The following SLC26A8 variants were observed in gnomAD, a reference collection of about 807,000 sequenced individuals.
SLC26A8 encodes solute carrier family 26 member 8.
A neutral mutation model predicts 105.0 loss-of-function variants in SLC26A8; 70 were observed. The ratio of observed to expected loss-of-function variants is 0.67; its 90% confidence interval spans 0.55 to 0.81. The LOEUF (loss-of-function observed/expected upper bound fraction) is 0.81, where lower values mean the gene tolerates loss of function less well. Ranked by LOEUF, SLC26A8 falls within the 40% of genes least tolerant of loss-of-function variation. The pLI, the probability that SLC26A8 is intolerant of heterozygous loss-of-function variation, is 0.00. For missense variants in SLC26A8, 998 were observed against 1,181.8 expected (o/e 0.84, Z 2.28); for synonymous variants, 415 against 438.3 (o/e 0.95, Z 0.66).
chr6:35,993,867 A>G (rs997067050), intron 5 of SLC26A8, among the ~76,000 whole-genome samples: 21 of 152,248 alleles, frequency 1.4e-4, no homozygotes, highest in African/African-American at 5.1e-4. Flanking sequence ...CTCTACAACA[A>G]GAAAAATAAA....
chr6:35,979,397 AC>A (rs778735934), intron 8 of SLC26A8, among the ~76,000 whole-genome samples: 286 of 151,702 alleles, frequency 1.9e-3, no homozygotes, highest in Non-Finnish European at 3.6e-3. Flanking sequence ...AATGGCATGA[AC>A]CCGGGAGGCG....
At chr6:35,944,681 C>T (rs112441962) in intron 19 of SLC26A8, among the ~76,000 whole-genome samples, 6 of 151,764 alleles carry the variant, frequency 4.0e-5, no homozygotes, top group African/African-American at 1.2e-4. Flanking sequence ...TGCACTCCAG[C>T]CTGAGCAACA....
intron 3 of SLC26A8, among the ~76,000 whole-genome samples, chr6:36,002,711 CTT>C (rs34341096): frequency 6.9e-6 from 1 of 144,678 alleles, no homozygotes. Context: ...GCTTTTCAAT[CTT>C]TTTTTTTTTT....
At chr6:35,957,138 C>T (rs1412698338) in intron 16 of SLC26A8, among the ~76,000 whole-genome samples, 1 of 152,078 alleles carries the variant, frequency 6.6e-6, no homozygotes, top group Non-Finnish European at 1.5e-5. Context: ...AGGAAAATTG[C>T]TTGAACCCAG....
chr6:35,943,646 A>G lies in SLC26A8; in HGVS notation c.*254T>C. 2.1e-6 allele frequency: 1 copy of G among 473,644 alleles called. No individual in the cohort carries two copies. Among genetic ancestry groups the G allele is most frequent in the South Asian group, 3.1e-5 (1 of 31,900 alleles). The allele number at this position is 473,644 out of a possible 1,614,324, so 29.3% of individuals were successfully genotyped here. A position where few individuals can be genotyped will look rare whatever the true frequency, so the allele number is the denominator to read the frequency against. Reference sequence around the variant, plus strand: ...GGGTGTGTGAAGAAGGAAATTCATGACTAGAATATATGCTGAAGGTGAAAT... The same window carrying G: ...GGGTGTGTGAAGAAGGAAATTCATGGCTAGAATATATGCTGAAGGTGAAAT... On this transcript the variant is annotated 3_prime_UTR_variant, in exon 20 of 20. Coordinates refer to ENST00000490799, the MANE Select transcript of SLC26A8 (RefSeq NM_052961.4).
rs758806345 is a variant in SLC26A8 at position 35,951,331 on chromosome 6, T to A, written c.2304A>T (p.Ala768=). The change falls in exon 19 of 20, where the codon GCA becomes GCT. Residue 768 remains alanine (A), a synonymous_variant. Transcript: ENST00000490799. ...IAGCHSSIVR[A]FERNDFFDAG... ...CGTCAAAGAAATCATTCCTCTCAAA[T>A]GCCCTGACTATGGAAGCTAAAAACC... 3 of 1,613,972 alleles carry A rather than the reference T, an allele frequency of 1.9e-6. No homozygotes were observed. The highest frequency in any genetic ancestry group is 1.7e-5 in the Admixed American group (1 of 59,984).
At chr6:35,982,826 C>G (rs773858477) in intron 7 of SLC26A8, among the ~76,000 whole-genome samples, 1 of 152,108 alleles carries the variant, frequency 6.6e-6, no homozygotes, top group East Asian at 1.9e-4. Context: ...TAATATGGAG[C>G]AACATTTAAT....
At chr6:35,998,261 A>G (rs1761413519) in intron 4 of SLC26A8, among the ~76,000 whole-genome samples, 1 of 152,044 alleles carries the variant, frequency 6.6e-6, no homozygotes, top group Non-Finnish European at 1.5e-5. Context: ...AAAATATTAG[A>G]AAAGAAAGCA....
chr6:36,007,724 A>T (rs1262705968), intron 3 of SLC26A8, among the ~76,000 whole-genome samples: 2 of 152,336 alleles, frequency 1.3e-5, no homozygotes, highest in Middle Eastern at 3.4e-3. Context: ...AGACACATAG[A>T]TCAATGGAAC....
intron 11 of SLC26A8, among the ~76,000 whole-genome samples, chr6:35,966,649 TG>T (rs1229281689): frequency 1.3e-5 from 2 of 152,234 alleles, no homozygotes; most frequent in African/African-American, 4.8e-5. Context: ...CTAGCCTGAA[TG>T]CTCTACTAGG....
chr6:35,979,090 G>A (rs964143550), intron 8 of SLC26A8, among the ~76,000 whole-genome samples: 9 of 145,510 alleles, frequency 6.2e-5, no homozygotes, highest in African/African-American at 2.0e-4. Flanking sequence ...GAGCTCAAGC[G>A]ATTCGCCTGC....
At chr6:35,993,231 C>T (rs926017641) in intron 5 of SLC26A8, among the ~76,000 whole-genome samples, 29 of 147,898 alleles carry the variant, frequency 2.0e-4, no homozygotes, top group Admixed American at 4.1e-4. Context: ...TCTCGAACTC[C>T]TGACCTCAAG....
At chr6:35,948,038 G>A (rs1771734466) in intron 19 of SLC26A8, among the ~76,000 whole-genome samples, 1 of 152,162 alleles carries the variant, frequency 6.6e-6, no homozygotes, top group South Asian at 2.1e-4. Context: ...TAAATGTAGA[G>A]ACAGTTCATG....
rs545200159 is a variant in SLC26A8, at chr6:35,965,283, G to A, written c.1366-2662C>T. On this transcript the variant is annotated intron_variant, in intron 11 of 19. Coordinates refer to ENST00000490799, the MANE Select transcript of SLC26A8 (RefSeq NM_052961.4). The stretch of plus-strand genomic sequence containing the variant: ...AGCATGTTTACTTTTATAATGGAAA[G>A]AAAGTTTCCTAAATATGAGAAAATG... 2.0e-3 allele frequency among the ~76,000 whole-genome samples: 303 copies of A among 152,218 alleles called. 1 individual carries two copies. Among genetic ancestry groups the A allele is most frequent in the African/African-American group, 6.9e-3 (285 of 41,540 alleles).
chr6:36,012,419 T>TGCCC, intron 2 of SLC26A8, 47 bp from the exon 3 acceptor site: 12 of 1,532,820 alleles, frequency 7.8e-6, no homozygotes, highest in African/African-American at 1.4e-5. Context: ...CCAAAGAAAA[T>TGCCC]GCCCGCATAG....
chr6:35,951,702 C>A (rs1771879399), intron 17 of SLC26A8, among the ~76,000 whole-genome samples: 1 of 152,112 alleles, frequency 6.6e-6, no homozygotes, highest in African/African-American at 2.4e-5. Flanking sequence ...CCTCAGCCTC[C>A]CAAGTAGCTG....
Position 35,962,612 on chromosome 6 carries a change from C to T in SLC26A8, c.1375G>A (p.Ala459Thr). 6.2e-7 allele frequency: 1 copy of T among 1,614,070 alleles called. No homozygotes were observed. The change falls in exon 12 of 20, where the codon GCT becomes ACT. Residue 459 changes from alanine to threonine, a missense_variant. By Grantham distance (58) the Ala-to-Thr change is moderately conservative (BLOSUM62 0). Coordinates refer to ENST00000490799, the MANE Select transcript of SLC26A8 (RefSeq NM_052961.4). ...FFYTLPNAVL[A>T]GIILSNVIPY... Reference sequence around the variant, plus strand: ...ATGACGTTGCTCAGAATAATACCAGCCAGCACAGCCTGTGGGGAAAAGATA... The same window carrying T: ...ATGACGTTGCTCAGAATAATACCAGTCAGCACAGCCTGTGGGGAAAAGATA...
chr6:35,948,474 A>G (rs1295924639), intron 19 of SLC26A8, among the ~76,000 whole-genome samples: 1 of 152,130 alleles, frequency 6.6e-6, no homozygotes, highest in African/African-American at 2.4e-5. Context: ...CTGTAAGCCC[A>G]GCTACTCAGG....
chr6:35,993,156 ATTTTTTT>A (rs70975122), intron 5 of SLC26A8, among the ~76,000 whole-genome samples: 7 of 87,552 alleles, frequency 8.0e-5, no homozygotes, highest in African/African-American at 1.7e-4. Context: ...CACACTGGGC[ATTTTTTT>A]TTTTTTTTTT....
Sources: allele counts gnomAD v4.1 joint callset (sites outside exome capture counted in the v4.1 genomes callset), GRCh38; gene constraint gnomAD v4.1.1; transcripts MANE v1.5; gene names NCBI Gene and HGNC (gene_info 2026-07-23, HGNC 2026-07-21).